PLCG2: variants seen among roughly 807,000 people sequenced by gnomAD.
The protein encoded by PLCG2 is phospholipase C gamma 2.
PLCG2 carries 69 observed loss-of-function variants against 175.6 expected under a neutral mutation model. That is an observed-to-expected ratio of 0.39 (90% confidence interval 0.32 to 0.48). The LOEUF is 0.48. PLCG2 is among the 20% of genes least tolerant of loss of function. The pLI, the probability that PLCG2 is intolerant of heterozygous loss-of-function variation, is 0.91. For synonymous variants in PLCG2, 827 were observed against 624.0 expected (o/e 1.33, Z -4.85); for missense variants, 1,798 against 1,650.9 (o/e 1.09, Z -1.54).
intron 2 of PLCG2, among the ~76,000 whole-genome samples, chr16:81,788,076 A>G (rs533670037): frequency 9.2e-5 from 14 of 152,254 alleles, no homozygotes. Context: ...TGTTTTGGGT[A>G]TATACCTAGG....
chr16:81,900,545 C>A (rs1422927457), intron 13 of PLCG2, 67 bp from the exon 14 acceptor site: 1 of 1,450,498 alleles, frequency 6.9e-7, no homozygotes, highest in Non-Finnish European at 9.3e-7. Context: ...TGCCCTGGCC[C>A]CTCTGTGGGG....
chr16:81,831,764 C>T (rs1158838507), intron 2 of PLCG2, among the ~76,000 whole-genome samples: 1 of 152,138 alleles, frequency 6.6e-6, no homozygotes, highest in Non-Finnish European at 1.5e-5. Context: ...TTGCCCCAAT[C>T]CTGCCTTGTC....
chr16:81,946,515 T>A (rs1911156270), intron 31 of PLCG2, among the ~76,000 whole-genome samples: 1 of 152,068 alleles, frequency 6.6e-6, no homozygotes, highest in African/African-American at 2.4e-5. Flanking sequence ...TGCCGGTACT[T>A]GTAAGTTCCC....
intron 2 of PLCG2, among the ~76,000 whole-genome samples, chr16:81,834,193 A>G (rs1905393649): frequency 6.6e-6 from 1 of 152,152 alleles, no homozygotes; most frequent in Admixed American, 6.5e-5. Flanking sequence ...TTTCTTCCCA[A>G]GATTGGTGGG....
chr16:81,792,289 C>T (rs1270951567), intron 2 of PLCG2, among the ~76,000 whole-genome samples: 12 of 151,936 alleles, frequency 7.9e-5, no homozygotes, highest in Non-Finnish European at 1.5e-4. Context: ...CGAGACCAGC[C>T]TAGCCAACAT....
intron 2 of PLCG2, among the ~76,000 whole-genome samples, chr16:81,852,440 G>A (rs1906465065): frequency 6.6e-6 from 1 of 151,356 alleles, no homozygotes; most frequent in Non-Finnish European, 1.5e-5. Flanking sequence ...AAAGATGATT[G>A]TTGTTGTAGT....
At chr16:81,765,056 C>G (rs553286781) in intron 2 of PLCG2, among the ~76,000 whole-genome samples, 1 of 152,302 alleles carries the variant, frequency 6.6e-6, no homozygotes, top group South Asian at 2.1e-4. Context: ...CCATTGCACT[C>G]CAGCCTGGGT....
intron 2 of PLCG2, among the ~76,000 whole-genome samples, chr16:81,819,211 A>T (rs894273444): frequency 6.6e-6 from 1 of 151,944 alleles, no homozygotes. Context: ...GCTTCTAGAG[A>T]TGGATGTGGT....
chr16:81,919,485 G>T lies in PLCG2; in HGVS notation c.2056G>T (p.Ala686Ser). The T allele has an allele frequency of 6.2e-7, 1 of 1,613,072 alleles. No homozygotes were observed. The highest frequency in any genetic ancestry group is 1.1e-5 in the South Asian group (1 of 91,050). Residue 686 changes from alanine (A) to serine (S), a missense_variant and splice_region_variant, in exon 20 of 33, where the codon GCT (alanine) becomes TCT (serine). By Grantham distance (99) the Ala-to-Ser change is moderately conservative. Transcript: ENST00000564138. ...GSDSYAITFR[A>S]RGKVKHCRIN... ...AACCCTGTGTTCTTCCTGCTCCAGG[G>T]CTAGGGGCAAGGTAAAGCATTGTCG...
At chr16:81,892,847 CTTTTT>C (rs58257849) in intron 11 of PLCG2, among the ~76,000 whole-genome samples, 4 of 133,686 alleles carry the variant, frequency 3.0e-5, no homozygotes, top group Admixed American at 7.6e-5. Flanking sequence ...GGAACATAAA[CTTTTT>C]TTTTTTTTTT....
At chr16:81,825,641 T>G (rs1905017294) in intron 2 of PLCG2, among the ~76,000 whole-genome samples, 2 of 152,186 alleles carry the variant, frequency 1.3e-5, no homozygotes, top group Admixed American at 1.3e-4. Flanking sequence ...TTGGTGCAAA[T>G]GTAATTGCAG....
At chr16:81,921,155 G>A in intron 20 of PLCG2, 43 bp from the exon 21 acceptor site, 2 of 1,228,070 alleles carry the variant, frequency 1.6e-6, no homozygotes, top group Non-Finnish European at 2.4e-6. Flanking sequence ...GGCTATTCCA[G>A]GAGCATGGAT....
intron 22 of PLCG2, among the ~76,000 whole-genome samples, chr16:81,925,251 A>C (rs982595664): frequency 1.3e-5 from 2 of 152,126 alleles, no homozygotes; most frequent in Admixed American, 6.5e-5. Context: ...AGTGCTACCT[A>C]GGGGGCCGCC....
intron 24 of PLCG2, among the ~76,000 whole-genome samples, chr16:81,931,047 T>G (rs1411376592): frequency 6.6e-6 from 1 of 152,226 alleles, no homozygotes; most frequent in South Asian, 2.1e-4. Flanking sequence ...AACACATGTC[T>G]ATAACTAAAG....
chr16:81,883,190 C>T (rs780150799), intron 8 of PLCG2, 79 bp from the exon 9 acceptor site: 55 of 1,264,974 alleles, frequency 4.3e-5, no homozygotes, highest in Non-Finnish European at 5.0e-5. Flanking sequence ...TGGCAGGCTG[C>T]CCCATTGGCT....
intron 5 of PLCG2, among the ~76,000 whole-genome samples, chr16:81,862,852 A>G (rs561548737): frequency 1.1e-3 from 170 of 152,306 alleles, no homozygotes; most frequent in African/African-American, 3.7e-3. Flanking sequence ...AGCCTGGGCA[A>G]CAGAGTGAGA....
chr16:81,910,637 C>T lies in PLCG2; in HGVS notation c.1851C>T (p.Tyr617=), dbSNP rs1432033132. 1 of 1,614,016 alleles carries T rather than the reference C, an allele frequency of 6.2e-7. No individual in the cohort carries two copies. Among genetic ancestry groups the T allele is most frequent in the Non-Finnish European group, 8.5e-7 (1 of 1,179,998 alleles). Residue 617 remains tyrosine, a synonymous_variant, in exon 18 of 33, where the codon TAC becomes TAT. Coordinates refer to ENST00000564138, the MANE Select transcript of PLCG2 (RefSeq NM_002661.5). ...GCATCTATGCCCTCATCCAGCACTA[C>T]CGCGAGACGCACCTGCGCTGCGCCG... ...FSSIYALIQH[Y]RETHLRCAEF...
At chr16:81,912,478 G>A (rs1403583240) in intron 18 of PLCG2, 119 bp from the exon 19 acceptor site, 4 of 1,229,374 alleles carry the variant, frequency 3.3e-6, no homozygotes, top group African/African-American at 3.0e-5. Flanking sequence ...TGATTTCCAT[G>A]GTCGTTTCCA....
intron 7 of PLCG2, among the ~76,000 whole-genome samples, chr16:81,877,850 T>C (rs1321353897): frequency 6.6e-6 from 1 of 151,868 alleles, no homozygotes; most frequent in African/African-American, 2.4e-5. Context: ...CCTTGGCTTG[T>C]AGATGTCATT....
Sources: gnomAD v4.1 joint callset for allele counts (sites outside exome capture counted in the v4.1 genomes callset) on GRCh38, gnomAD v4.1.1 for gene constraint, MANE v1.5 for transcripts, NCBI Gene and HGNC (gene_info 2026-07-23, HGNC 2026-07-21) for gene names.